The following AGMO variants were observed in gnomAD, a reference collection of about 807,000 sequenced individuals.
AGMO encodes alkylglycerol monooxygenase, also known as glyceryl-ether monooxygenase.
A neutral mutation model predicts 60.2 loss-of-function variants in AGMO; 75 were observed. The observed-to-expected ratio is 1.25, with a 90% CI of 1.03 to 1.51. The LOEUF (loss-of-function observed/expected upper bound fraction) is 1.51, where lower values mean the gene tolerates loss of function less well. Ranked by LOEUF, AGMO falls within the 40% of genes most tolerant of loss-of-function variation. AGMO has a pLI of 0.00. For synonymous variants in AGMO, 261 were observed against 177.1 expected (o/e 1.47, Z -3.76); for missense variants, 763 against 525.5 (o/e 1.45, Z -4.42).
intron 9 of AGMO, among the ~76,000 whole-genome samples, chr7:15,386,199 A>G (rs73066543): frequency 1.8e-4 from 27 of 151,552 alleles, no homozygotes; most frequent in African/African-American, 5.3e-4. Context: ...AAAAGAAAAA[A>G]AAGGTGATCT....
At chr7:15,479,247 C>A (rs2128516429) in intron 3 of AGMO, among the ~76,000 whole-genome samples, 1 of 152,048 alleles carries the variant, frequency 6.6e-6, no homozygotes, top group Non-Finnish European at 1.5e-5. Context: ...TTGAAGGTGA[C>A]AAAAGTACAA....
chr7:15,159,931 C>A, the AGMO span, among the ~76,000 whole-genome samples: 1 of 152,144 alleles, frequency 6.6e-6, no homozygotes, highest in African/African-American at 2.4e-5. Context: ...ATTTCTCTGC[C>A]AGAACATGCT....
intron 12 of AGMO, among the ~76,000 whole-genome samples, chr7:15,351,958 C>A (rs1425328083): frequency 1.3e-5 from 2 of 151,972 alleles, no homozygotes; most frequent in African/African-American, 4.8e-5. Context: ...CTAATAAAGC[C>A]CAGATAGCAT....
chr7:15,118,876 A>ATTTTTTTTTTTTTTTTTTT, the AGMO span, among the ~76,000 whole-genome samples: 1 of 81,732 alleles, frequency 1.2e-5, no homozygotes, highest in Non-Finnish European at 2.4e-5. Context: ...AGACGTCAGT[A>ATTTTTTTTTTTTTTTTTTT]TTTTTTTTTT....
the AGMO span, among the ~76,000 whole-genome samples, chr7:15,151,920 T>C: frequency 1.3e-5 from 2 of 152,190 alleles, no homozygotes; most frequent in South Asian, 2.1e-4. Flanking sequence ...TCTGTGATTC[T>C]TTCTTCAGGT....
At chr7:15,204,925 T>A (rs1657726130) in intron 12 of AGMO, among the ~76,000 whole-genome samples, 1 of 152,116 alleles carries the variant, frequency 6.6e-6, no homozygotes. Context: ...ACTCCTGGGC[T>A]CAAGCACTCC....
At chr7:15,256,040 A>G (rs1347004530) in intron 12 of AGMO, among the ~76,000 whole-genome samples, 3 of 152,234 alleles carry the variant, frequency 2.0e-5, no homozygotes, top group Non-Finnish European at 4.4e-5. Flanking sequence ...AAAGATTATT[A>G]CAGCTAAAAT....
chr7:15,354,834 G>C (rs974849718), intron 12 of AGMO, among the ~76,000 whole-genome samples: 2 of 150,414 alleles, frequency 1.3e-5, no homozygotes, highest in Non-Finnish European at 3.0e-5. Flanking sequence ...ACGAGAATTT[G>C]TTTTCTAAAA....
At chr7:15,205,671 T>G (rs868203028) in intron 12 of AGMO, among the ~76,000 whole-genome samples, 2 of 152,240 alleles carry the variant, frequency 1.3e-5, no homozygotes, top group Middle Eastern at 3.4e-3. Context: ...GATGTCAGAC[T>G]TAGTCATTTT....
Position 15,317,953 on chromosome 7 carries a change from A to T in AGMO, c.1263+47561T>A, listed in dbSNP as rs866117936. ...TATATATATATATACACACACACAC[A>T]CTATATATATATATACACACACACG... is the stretch of plus-strand genomic sequence containing the variant. On this transcript the variant is annotated intron_variant, in intron 12 of 12. Transcript: ENST00000342526. 2.5e-3 allele frequency among the ~76,000 whole-genome samples: 354 copies of T among 143,054 alleles called. 1 individual carries two copies. The highest frequency in any genetic ancestry group is 8.8e-3 in the African/African-American group (327 of 36,956). 93.8% of individuals were successfully genotyped at this position (143,054 alleles called of 152,430 possible).
intron 12 of AGMO, among the ~76,000 whole-genome samples, chr7:15,273,771 A>G (rs1016941759): frequency 1.3e-5 from 2 of 152,064 alleles, no homozygotes; most frequent in Non-Finnish European, 2.9e-5. Context: ...ATGTTCTTCC[A>G]TTTGTTTGTG....
At chr7:15,249,961 T>C (rs529682324) in intron 12 of AGMO, among the ~76,000 whole-genome samples, 1 of 152,302 alleles carries the variant, frequency 6.6e-6, no homozygotes, top group African/African-American at 2.4e-5. Flanking sequence ...GAAACTATTG[T>C]TTGATAAACA....
chr7:15,202,306 T>A (rs1412334960), intron 12 of AGMO, among the ~76,000 whole-genome samples: 1 of 151,808 alleles, frequency 6.6e-6, no homozygotes, highest in African/African-American at 2.4e-5. Context: ...GATGAAGGCA[T>A]GGGAGCATTC....
chr7:15,252,451 C>T (rs761615489), intron 12 of AGMO, among the ~76,000 whole-genome samples: 5 of 152,192 alleles, frequency 3.3e-5, no homozygotes, highest in African/African-American at 7.2e-5. Context: ...TATGACTGTA[C>T]TGCCTTTCCC....
chr7:15,477,833 A>G (rs1782637412), intron 3 of AGMO, among the ~76,000 whole-genome samples: 1 of 152,182 alleles, frequency 6.6e-6, no homozygotes, highest in African/African-American at 2.4e-5. Context: ...ACAAGAATTA[A>G]GTCAATTTTC....
intron 10 of AGMO, among the ~76,000 whole-genome samples, chr7:15,366,698 T>C (rs1308943483): frequency 6.6e-6 from 1 of 152,082 alleles, no homozygotes; most frequent in East Asian, 1.9e-4. Flanking sequence ...ATTACACATA[T>C]ACACTCATAT....
At chr7:15,334,118 T>C (rs541375437) in intron 12 of AGMO, among the ~76,000 whole-genome samples, 2 of 152,116 alleles carry the variant, frequency 1.3e-5, no homozygotes, top group African/African-American at 4.8e-5. Flanking sequence ...ACCTTTGATA[T>C]GTAAAAAACT....
chr7:15,160,676 A>G, the AGMO span, among the ~76,000 whole-genome samples: 1 of 152,200 alleles, frequency 6.6e-6, no homozygotes, highest in South Asian at 2.1e-4. Flanking sequence ...ATTATCCAGT[A>G]TGGTCATTCA....
chr7:15,493,588 G>A (rs951047227), intron 3 of AGMO, among the ~76,000 whole-genome samples: 5 of 151,344 alleles, frequency 3.3e-5, no homozygotes, highest in African/African-American at 1.2e-4. Context: ...TGTTAGCCAG[G>A]ATGGTCTCGA....
Sources: allele counts gnomAD v4.1 joint callset (sites outside exome capture counted in the v4.1 genomes callset), GRCh38; gene constraint gnomAD v4.1.1; transcripts MANE v1.5; gene names NCBI Gene and HGNC (gene_info 2026-07-23, HGNC 2026-07-21).